Variants in HSD17B12 observed in about 807,000 individuals in gnomAD.
HSD17B12 encodes the protein hydroxysteroid 17-beta dehydrogenase 12.
In HSD17B12, 32 loss-of-function variants were observed where a neutral mutation model predicts 39.3. The observed-to-expected ratio is 0.81, with a 90% CI of 0.61 to 1.09. The LOEUF is 1.09. Ranked by LOEUF, HSD17B12 falls within the 50% of genes least tolerant of loss-of-function variation. The pLI, the probability that HSD17B12 is intolerant of heterozygous loss-of-function variation, is 0.00. For synonymous variants in HSD17B12, 150 were observed against 146.7 expected (o/e 1.02, Z -0.16); for missense variants, 342 against 382.9 (o/e 0.89, Z 0.89).
chr11:43,810,233 C>T (rs1171246394), intron 4 of HSD17B12, among the ~76,000 whole-genome samples: 1 of 151,964 alleles, frequency 6.6e-6, no homozygotes, highest in Admixed American at 6.6e-5. Context: ...TCTATAGCAG[C>T]TGGCTTTGAG....
chr11:43,593,252 G>A, the HSD17B12 span, among the ~76,000 whole-genome samples: 1 of 152,288 alleles, frequency 6.6e-6, no homozygotes, highest in South Asian at 2.1e-4. Flanking sequence ...AGGCTGACCA[G>A]GGCGTTAGAA....
At chr11:43,840,874 T>G (rs1305277492) in intron 9 of HSD17B12, among the ~76,000 whole-genome samples, 1 of 152,192 alleles carries the variant, frequency 6.6e-6, no homozygotes, top group Non-Finnish European at 1.5e-5. Context: ...TTTTCAATTC[T>G]TTTGTATATG....
chr11:43,675,768 T>C (rs1206388434), upstream of HSD17B12, among the ~76,000 whole-genome samples: 1 of 151,824 alleles, frequency 6.6e-6, no homozygotes, highest in African/African-American at 2.4e-5. Flanking sequence ...GGAAGTAGAG[T>C]GAATAAGACC....
intron 6 of HSD17B12, among the ~76,000 whole-genome samples, chr11:43,824,509 ATTC>A (rs1310636428): frequency 2.0e-5 from 3 of 152,142 alleles, no homozygotes; most frequent in Non-Finnish European, 4.4e-5. Context: ...TGAGGACCCC[ATTC>A]TTCATAGATG....
chr11:43,730,046 G>A (rs1203674989), intron 1 of HSD17B12, among the ~76,000 whole-genome samples: 1 of 146,470 alleles, frequency 6.8e-6, no homozygotes, highest in Non-Finnish European at 1.5e-5. Context: ...ATGTGTGTGT[G>A]TTTTTTTTTT....
At chr11:43,662,377 T>TTG in the HSD17B12 span, among the ~76,000 whole-genome samples, 35,217 of 128,200 alleles carry the variant, frequency 0.27, 4,699 homozygotes, top group Middle Eastern at 0.37. Context: ...TTTATTTTAT[T>TTG]TGTGTGTGTG....
At chr11:43,791,603 G>A (rs1406276115) in intron 3 of HSD17B12, among the ~76,000 whole-genome samples, 1 of 151,970 alleles carries the variant, frequency 6.6e-6, no homozygotes, top group Non-Finnish European at 1.5e-5. Flanking sequence ...CAAAATTCAG[G>A]TACTTCTGTT....
At chr11:43,769,886 A>T (rs1950633021) in intron 3 of HSD17B12, among the ~76,000 whole-genome samples, 4 of 152,166 alleles carry the variant, frequency 2.6e-5, no homozygotes, top group Non-Finnish European at 2.9e-5. Context: ...TCCATTTTGT[A>T]TTCTTTCGAT....
chr11:43,679,595 C>T (rs1014471910), upstream of HSD17B12, among the ~76,000 whole-genome samples: 5 of 152,118 alleles, frequency 3.3e-5, no homozygotes, highest in Non-Finnish European at 7.4e-5. Flanking sequence ...ACCACTCCCC[C>T]ACTCCCCAAC....
At chr11:43,594,407 A>G in the HSD17B12 span, among the ~76,000 whole-genome samples, 1 of 152,122 alleles carries the variant, frequency 6.6e-6, no homozygotes, top group Non-Finnish European at 1.5e-5. Context: ...AAAAGCATTC[A>G]ATATAGAAAA....
chr11:43,736,098 T>C (rs1950313950), intron 1 of HSD17B12, among the ~76,000 whole-genome samples: 1 of 152,188 alleles, frequency 6.6e-6, no homozygotes, highest in African/African-American at 2.4e-5. Context: ...GGTTTGCATT[T>C]TTAAAGAGGA....
intron 7 of HSD17B12, among the ~76,000 whole-genome samples, chr11:43,836,245 G>A (rs973479018): frequency 6.6e-6 from 1 of 152,270 alleles, no homozygotes; most frequent in African/African-American, 2.4e-5. Context: ...CAAACTAGTT[G>A]TGTCTTCACT....
intron 3 of HSD17B12, among the ~76,000 whole-genome samples, chr11:43,769,828 T>G (rs558817311): frequency 2.0e-5 from 3 of 152,318 alleles, no homozygotes; most frequent in African/African-American, 7.2e-5. Context: ...GTCTCTAGCT[T>G]TCCTCCTGCT....
In HSD17B12 at chr11:43,712,653, T is replaced by G. The variant is rs116793257; in HGVS notation, c.160+31666T>G. Among the ~76,000 whole-genome samples, 18 of 152,176 alleles carry G rather than the reference T, an allele frequency of 1.2e-4. No individual in the cohort carries two copies. The South Asian group carries it at 2.5e-3, about 21-fold the overall frequency. The stretch of plus-strand genomic sequence containing the variant: ...ATTGGTGTATATATCTTCCCTAAGA[T>G]GTATAAAAGCAAGCTGTACCCCAAC... On this transcript the variant is annotated intron_variant, in intron 1 of 10. Transcript: ENST00000278353.
At chr11:43,587,188 C>T in the HSD17B12 span, among the ~76,000 whole-genome samples, 5 of 152,124 alleles carry the variant, frequency 3.3e-5, no homozygotes, top group Non-Finnish European at 7.4e-5. Context: ...TTCATGCATT[C>T]GTTCAACAAA....
Position 43,855,084 on chromosome 11 carries a change from C to T in HSD17B12, c.835-60C>T, listed in dbSNP as rs1292328384. 8.7e-6 allele frequency: 11 copies of T among 1,262,882 alleles called. No homozygotes were observed. In the East Asian group the frequency reaches 2.3e-4, roughly 27 times the overall value. 78.2% of individuals were successfully genotyped at this position (1,262,882 alleles called of 1,614,324 possible). A position where few individuals can be genotyped will look rare whatever the true frequency, so the allele number is the denominator to read the frequency against. ...CTATAATAAAACATTAAATCATATG[C>T]TTCAATTTAGCCCAAATTGTAGGCT... is the stretch of plus-strand genomic sequence containing the variant. On this transcript the variant is annotated intron_variant, in intron 10 of 10. Transcript: ENST00000278353.
intron 6 of HSD17B12, among the ~76,000 whole-genome samples, chr11:43,824,465 C>T (rs1360765609): frequency 6.6e-6 from 1 of 152,176 alleles, no homozygotes; most frequent in East Asian, 1.9e-4. Flanking sequence ...GCTGGGAAGT[C>T]TAAGATCAGT....
intron 1 of HSD17B12, among the ~76,000 whole-genome samples, chr11:43,690,088 C>T (rs996300409): frequency 2.6e-5 from 4 of 151,744 alleles, no homozygotes; most frequent in African/African-American, 4.8e-5. Context: ...TCAATGGAAC[C>T]GCCCCTCCTA....
intron 3 of HSD17B12, among the ~76,000 whole-genome samples, chr11:43,778,221 A>C (rs560887709): frequency 5.9e-5 from 9 of 152,338 alleles, no homozygotes; most frequent in African/African-American, 2.2e-4. Flanking sequence ...ATGCAAATAA[A>C]CTAGACAATC....
Sources: allele counts gnomAD v4.1 joint callset (sites outside exome capture counted in the v4.1 genomes callset), GRCh38; gene constraint gnomAD v4.1.1; transcripts MANE v1.5; gene names NCBI Gene and HGNC (gene_info 2026-07-23, HGNC 2026-07-21).